CHRNE: variants seen among roughly 807,000 people sequenced by gnomAD.
CHRNE encodes cholinergic receptor nicotinic epsilon subunit, also known as acetylcholine receptor subunit epsilon.
CHRNE carries 58 observed loss-of-function variants against 56.5 expected under a neutral mutation model. That is an observed-to-expected ratio of 1.03 (90% CI 0.83 to 1.28). The LOEUF is 1.28. CHRNE is among the 50% of genes most tolerant of loss of function. CHRNE has a pLI of 0.00. For synonymous variants in CHRNE, 385 were observed against 297.9 expected, an observed-to-expected ratio of 1.29 and a Z score of -3.01; for missense variants, 793 against 688.9, an observed-to-expected ratio of 1.15 and a Z score of -1.69.
Position 4,902,406 on chromosome 17 carries a change from G to A in CHRNE, c.234+44C>T, listed in dbSNP as rs756868443. ...CTGGGAGGGGTTTGGGGGAAAAGGG[G>A]TGCCCTGGACAAGACCTCACACCAT... On this transcript the variant is annotated intron_variant, in intron 3 of 11. Coordinates refer to ENST00000649488, the MANE Select transcript of CHRNE (RefSeq NM_000080.4). The surrounding 1 kb of genome is among the most constrained non-coding windows in gnomAD (Gnocchi z 4.0). 6 of 1,613,998 alleles carry A rather than the reference G, an allele frequency of 3.7e-6. No individual in the cohort carries two copies. The highest frequency in any genetic ancestry group is 2.2e-5 in the East Asian group (1 of 44,878).
At chr17:4,901,217 G>T in intron 6 of CHRNE, 27 bp from the exon 7 acceptor site, 1 of 1,594,144 alleles carries the variant, frequency 6.3e-7, no homozygotes, top group Non-Finnish European at 8.5e-7. Flanking sequence ...CGGTCAGCTG[G>T]CTGTCAGAGC....
intron 8 of CHRNE, chr17:4,899,846 A>C: frequency 6.4e-7 from 1 of 1,551,126 alleles, no homozygotes. Context: ...TACGCCCGCC[A>C]AGGGCTGCAC....
chr17:4,900,462 C>T lies in CHRNE; in HGVS notation c.917+331G>A, dbSNP rs1271399654. The T allele has an allele frequency of 3.2e-6, 5 of 1,550,972 alleles. No individual in the cohort carries two copies. The Admixed American group carries it at 7.8e-5, about 24-fold the overall frequency. Reference sequence around the variant, plus strand: ...TCTGCAGGGGTCTGCCTCATTCCTGCGACAGTCGCAACAGCAGCTAGGCCT... The same window carrying T: ...TCTGCAGGGGTCTGCCTCATTCCTGTGACAGTCGCAACAGCAGCTAGGCCT... On this transcript the variant is annotated intron_variant, in intron 8 of 11. Transcript: ENST00000649488.
upstream of CHRNE, among the ~76,000 whole-genome samples, chr17:4,906,219 G>A (rs931989835): frequency 6.6e-6 from 1 of 152,124 alleles, no homozygotes; most frequent in Admixed American, 6.6e-5. Flanking sequence ...GGATCATGGG[G>A]TTGGCCTAAG....
chr17:4,897,978 T>TCTCC lies in CHRNE; in HGVS notation c.*754_*757dup, dbSNP rs1555545672. The TCTCC allele has an allele frequency of 1.5e-4, 22 of 145,618 alleles. No homozygotes were observed. Among genetic ancestry groups the TCTCC allele is most frequent in the African/African-American group, 5.2e-4 (21 of 40,060 alleles). 9.0% of individuals were successfully genotyped at this position (145,618 alleles called of 1,614,324 possible). Reference sequence around the variant, plus strand: ...TATAGTGTGAGCAGCAAGTAACCCTTCTCCCTCCCCCCCCACCCCTCCTCA... The same window carrying TCTCC: ...TATAGTGTGAGCAGCAAGTAACCCTTCTCCCTCCCTCCCCCCCCACCCCTCCTCA... On this transcript the variant is annotated 3_prime_UTR_variant, in exon 12 of 12. Coordinates refer to ENST00000649488, the MANE Select transcript of CHRNE (RefSeq NM_000080.4).
chr17:4,902,825 C>G lies in CHRNE; in HGVS notation c.47-62G>C. ...GAAGAGGCTGGAGCACCTCTCTCCC[C>G]TCTGCCTCCCCTGGGTCCTCACAGG... is the stretch of plus-strand genomic sequence containing the variant. On this transcript the variant is annotated intron_variant, in intron 1 of 11. Transcript: ENST00000649488. The surrounding 1 kb of genome is among the most constrained non-coding windows in gnomAD (Gnocchi z 4.0). 6.2e-7 allele frequency: 1 copy of G among 1,612,194 alleles called. No homozygotes were observed. The highest frequency in any genetic ancestry group is 1.3e-5 in the African/African-American group (1 of 74,982).
Position 4,902,958 on chromosome 17 carries a change from C to T in CHRNE, c.46+60G>A. The T allele has an allele frequency of 1.2e-6, 2 of 1,608,362 alleles. No individual in the cohort carries two copies. Among genetic ancestry groups the T allele is most frequent in the Non-Finnish European group, 1.7e-6 (2 of 1,174,902 alleles). The stretch of plus-strand genomic sequence containing the variant: ...CATCTTGGTCTCTGTCTTTGTCTTC[C>T]CAGTCCCTTCATGTCAGTATCTGTG... On this transcript the variant is annotated intron_variant, in intron 1 of 11. Transcript: ENST00000649488. This position sits in a 1 kb window ranked among gnomAD's most constrained non-coding sequence, Gnocchi z 4.0.
At chr17:4,900,029 C>T (rs1969921727) in intron 8 of CHRNE, 3 of 1,551,468 alleles carry the variant, frequency 1.9e-6, no homozygotes, top group Non-Finnish European at 2.6e-6. Flanking sequence ...GCTGAAGTCC[C>T]TGGAGCCACC....
Position 4,901,644 on chromosome 17 carries a change from G to A in CHRNE, c.501-19C>T, listed in dbSNP as rs370186965. On this transcript the variant is annotated intron_variant, in intron 5 of 11. Transcript: ENST00000649488. ...CTGAGAGCTGCGGAGCCAGGGCCGG[G>A]AGCCCACCCCAGAAGCTCTGACCTG... The A allele has an allele frequency of 3.1e-6, 5 of 1,610,476 alleles. No individual in the cohort carries two copies. In the African/African-American group the frequency reaches 4.0e-5, roughly 13 times the overall value.
At chr17:4,901,730 C>A in intron 5 of CHRNE, 105 bp from the exon 6 acceptor site, 2 of 1,285,474 alleles carry the variant, frequency 1.6e-6, no homozygotes, top group Non-Finnish European at 2.2e-6. Context: ...ATCCCAAGCC[C>A]ACCCCTTCAC....
In CHRNE at chr17:4,908,337, A is replaced by T. The variant is rs149914565; in HGVS notation, c.-887-5574T>A. ...CATTCACCTGAGAGCCAGGGGCTGGAGCTGCAACTTGTGAGTGACCAGTGC... is the reference window on the plus strand; with the variant it reads ...CATTCACCTGAGAGCCAGGGGCTGGTGCTGCAACTTGTGAGTGACCAGTGC... On this transcript the variant is annotated intron_variant, in intron 1 of 10. Coordinates refer to the CHRNE transcript ENST00000649830. Among the ~76,000 whole-genome samples, 427 of 152,284 alleles carry T rather than the reference A, an allele frequency of 2.8e-3. 12 individuals carry two copies. In the East Asian group the frequency reaches 0.05, roughly 18 times the overall value.
intron 6 of CHRNE, 159 bp downstream of exon 6, chr17:4,901,366 C>A: frequency 1.1e-6 from 1 of 934,242 alleles, no homozygotes. Context: ...GAAGGCAGGA[C>A]TAGAGTAACA....
Position 4,901,396 on chromosome 17 carries a change from C to G in CHRNE, c.601+129G>C, listed in dbSNP as rs193239361. The G allele has an allele frequency of 8.5e-3, 8,354 of 985,050 alleles. 50 individuals are homozygous for G. Among genetic ancestry groups the G allele is most frequent in the Non-Finnish European group, 0.011 (6,925 of 626,004 alleles). The allele number at this position is 985,050 out of a possible 1,614,324, so 61.0% of individuals were successfully genotyped here. A position where few individuals can be genotyped will look rare whatever the true frequency, so the allele number is the denominator to read the frequency against. On this transcript the variant is annotated intron_variant, in intron 6 of 11. Transcript: ENST00000649488. ...GTAACAATCGAGAATGATTTCAGGA[C>G]AGGGGTAAGCTAAACCCAGTTGTGG...
chr17:4,903,221 G>A (rs565596043), upstream of CHRNE: 2 of 770,662 alleles, frequency 2.6e-6, no homozygotes, highest in African/African-American at 3.4e-5. Flanking sequence ...GGACATTTTG[G>A]CTGCTTCCAG....
chr17:4,901,585 CAA>C lies in CHRNE; in HGVS notation c.539_540del (p.Phe180CysfsTer21). The C allele has an allele frequency of 6.2e-7, 1 of 1,614,178 alleles. No individual in the cohort carries two copies. Among genetic ancestry groups the C allele is most frequent in the Non-Finnish European group, 8.5e-7 (1 of 1,180,012 alleles). On this transcript the variant is annotated frameshift_variant, in exon 6 of 12. Transcript: ENST00000649488. LOFTEE classifies it high-confidence loss of function. Reference protein sequence around the residue: ...TYNAEEVEFTFAVDNDGKTIN... With the variant: ...TYNAEEVEFTXAVDNDGKTIN... ...ATGGTCTTGCCGTCGTTGTCTACGG[CAA>C]AAGTGAACTCCACCTCTTCGGCATT...
chr17:4,901,061 A>G lies in CHRNE; in HGVS notation c.731T>C (p.Val244Ala), dbSNP rs1265007926. ...CACACAGGGCACGATGATGTTAATGACGTAGAAGAGCGGCTTCCGGCGGAT... is the reference window on the plus strand; with the variant it reads ...CACACAGGGCACGATGATGTTAATGGCGTAGAAGAGCGGCTTCCGGCGGAT... ...LIIRRKPLFYVINIIVPCVLI... is the reference protein window; with the variant it reads ...LIIRRKPLFYAINIIVPCVLI... Residue 244 changes from valine (V) to alanine (A), a missense_variant, in exon 7 of 12, where the codon GTC becomes GCC. By Grantham distance (64) the Val-to-Ala change is moderately conservative. Transcript: ENST00000649488. 1.2e-6 allele frequency: 2 copies of G among 1,614,004 alleles called. No homozygotes were observed. Among genetic ancestry groups the G allele is most frequent in the South Asian group, 2.2e-5 (2 of 91,074 alleles).
chr17:4,899,952 CG>C, intron 8 of CHRNE: 1 of 1,550,958 alleles, frequency 6.4e-7, no homozygotes, highest in Non-Finnish European at 8.7e-7. Flanking sequence ...CTCCAGCCCC[CG>C]CTTCTGTCTT....
At chr17:4,900,092 G>T (rs1399188563) in intron 8 of CHRNE, 6 of 1,550,900 alleles carry the variant, frequency 3.9e-6, no homozygotes, top group East Asian at 2.4e-5. Flanking sequence ...CCTGGGGCTG[G>T]TGTTGAGAGA....
rs761361955 is a variant in CHRNE at position 4,899,386 on chromosome 17, T to TGGGGCAGGGGCA, written c.1033-3_1033-2insTGCCCCTGCCCC. 2.6e-6 allele frequency: 4 copies of TGGGGCAGGGGCA among 1,533,890 alleles called. No individual in the cohort carries two copies. The highest frequency in any genetic ancestry group is 2.0e-4 in the Middle Eastern group (1 of 5,000). ...GCGCGGCAGCAGCTCCAGGAGAACC[T>TGGGGCAGGGGCA]GGGGCAGGGGCGGGGCTTAGGGGAC... On this transcript the variant is annotated splice_polypyrimidine_tract_variant and splice_region_variant and intron_variant, in intron 9 of 11. Transcript: ENST00000649488.
Sources: gnomAD v4.1 joint callset for allele counts (sites outside exome capture counted in the v4.1 genomes callset) on GRCh38, gnomAD v4.1.1 for gene constraint, Gnocchi (gnomAD v3.1) non-coding constraint, MANE v1.5 for transcripts, NCBI Gene and HGNC (gene_info 2026-07-23, HGNC 2026-07-21) for gene names.